PDLIM5: variants seen among roughly 807,000 people sequenced by gnomAD.
PDLIM5 encodes PDZ and LIM domain 5.
A neutral mutation model predicts 64.2 loss-of-function variants in PDLIM5; 34 were observed. The observed-to-expected ratio is 0.53, with a 90% confidence interval of 0.40 to 0.71. The LOEUF (loss-of-function observed/expected upper bound fraction) is 0.71, where lower values mean the gene tolerates loss of function less well. PDLIM5 is among the 30% of genes least tolerant of loss of function. The pLI, the probability that PDLIM5 is intolerant of heterozygous loss-of-function variation, is 0.00. For missense variants in PDLIM5, 683 were observed against 733.6 expected (o/e 0.93, Z 0.80); for synonymous variants, 253 against 269.1 (o/e 0.94, Z 0.59).
intron 9 of PDLIM5, among the ~76,000 whole-genome samples, chr4:94,644,911 T>C (rs76213923): frequency 3.4e-5 from 2 of 59,002 alleles, no homozygotes; most frequent in South Asian, 1.6e-3. Flanking sequence ...GATATTATTC[T>C]TTTTTTTTTA....
chr4:94,467,691 T>G (rs1724497940), intron 2 of PDLIM5, among the ~76,000 whole-genome samples: 1 of 152,206 alleles, frequency 6.6e-6, no homozygotes, highest in African/African-American at 2.4e-5. Context: ...GGAAGTATCC[T>G]AGAGGTTACA....
chr4:94,455,660 C>T, intron 2 of PDLIM5: 2 of 819,246 alleles, frequency 2.4e-6, no homozygotes, highest in South Asian at 1.7e-5. Context: ...TTTGAACTGT[C>T]CCTAATTTGG....
chr4:94,659,216 A>G (rs1401760353), intron 11 of PDLIM5, among the ~76,000 whole-genome samples: 2 of 152,092 alleles, frequency 1.3e-5, no homozygotes, highest in African/African-American at 2.4e-5. Flanking sequence ...ATCGTCCACT[A>G]TCCAAAAACC....
At chr4:94,564,949 C>A (rs532107044) in intron 3 of PDLIM5, among the ~76,000 whole-genome samples, 2 of 152,156 alleles carry the variant, frequency 1.3e-5, no homozygotes, top group African/African-American at 2.4e-5. Context: ...AGCCGCCACG[C>A]CCAGCCCGTC....
rs1206331143 is a variant in PDLIM5 at position 94,664,890 on chromosome 4, A to G, written c.*823A>G. ...GTCTCCAAAAAAAAACTTTGCTTGT[A>G]TATTATTTTTGCCTTACAGTGGATC... On this transcript the variant is annotated 3_prime_UTR_variant, in exon 13 of 13. Transcript: ENST00000317968. 6 of 968,766 alleles carry G rather than the reference A, an allele frequency of 6.2e-6. No homozygotes were observed. The highest frequency in any genetic ancestry group is 1.1e-4 in the East Asian group (1 of 8,724). 60.0% of individuals were successfully genotyped at this position (968,766 alleles called of 1,614,324 possible).
At chr4:94,544,252 T>A (rs1302231348) in intron 3 of PDLIM5, among the ~76,000 whole-genome samples, 2 of 152,164 alleles carry the variant, frequency 1.3e-5, no homozygotes, top group Non-Finnish European at 2.9e-5. Context: ...GATGATCCCA[T>A]CTCAAGATTT....
At chr4:94,610,857 A>G (rs1738305417) in intron 7 of PDLIM5, among the ~76,000 whole-genome samples, 1 of 152,192 alleles carries the variant, frequency 6.6e-6, no homozygotes, top group African/African-American at 2.4e-5. Flanking sequence ...AATCAATGTT[A>G]TATTAATGAG....
At chr4:94,647,883 A>G (rs1054586307) in intron 9 of PDLIM5, among the ~76,000 whole-genome samples, 25 of 152,342 alleles carry the variant, frequency 1.6e-4, no homozygotes, top group African/African-American at 5.8e-4. Context: ...ACAAATATGT[A>G]GAAATTAAAA....
intron 5 of PDLIM5, chr4:94,577,456 C>T (rs1296588992): frequency 2.5e-6 from 1 of 405,772 alleles, no homozygotes; most frequent in African/African-American, 3.2e-5. Flanking sequence ...GGGTGGCTTT[C>T]TAAAGTTCTG....
chr4:94,577,683 C>A (rs929871111), intron 5 of PDLIM5, among the ~76,000 whole-genome samples: 4 of 148,662 alleles, frequency 2.7e-5, no homozygotes, highest in Admixed American at 6.8e-5. Context: ...CTGTCAAATG[C>A]AAGCCACACA....
At chr4:94,476,976 CTG>C (rs1195173851) in intron 2 of PDLIM5, among the ~76,000 whole-genome samples, 1 of 152,144 alleles carries the variant, frequency 6.6e-6, no homozygotes, top group Non-Finnish European at 1.5e-5. Flanking sequence ...TAAATATAAA[CTG>C]TTTTTAATGT....
chr4:94,623,944 A>C (rs1460107171), intron 8 of PDLIM5, among the ~76,000 whole-genome samples: 9 of 152,304 alleles, frequency 5.9e-5, no homozygotes, highest in African/African-American at 2.2e-4. Flanking sequence ...CATAACTAGT[A>C]ATACATTATT....
At position 94,656,408 on chromosome 4, in the gene PDLIM5, A is replaced by C. The variant is rs17021948; in HGVS notation, c.1465-1019A>C. ...CTGGCCCAAATCTTTATAACTTGGT[A>C]TGTTTAACCATTGGGCCATTGCTGA... On this transcript the variant is annotated intron_variant, in intron 10 of 12. Coordinates refer to ENST00000317968, the MANE Select transcript of PDLIM5 (RefSeq NM_006457.5). Among the ~76,000 whole-genome samples the C allele has an allele frequency of 5.5e-3, 834 of 152,186 alleles. 7 individuals are homozygous for C. The highest frequency in any genetic ancestry group is 0.018 in the African/African-American group (747 of 41,564).
chr4:94,547,631 G>A (rs1732439300), intron 3 of PDLIM5, among the ~76,000 whole-genome samples: 1 of 152,080 alleles, frequency 6.6e-6, no homozygotes. Context: ...GACATCTTTG[G>A]GAAGCCATTA....
At chr4:94,638,395 T>G (rs1014255957) in intron 8 of PDLIM5, among the ~76,000 whole-genome samples, 2 of 152,244 alleles carry the variant, frequency 1.3e-5, no homozygotes, top group African/African-American at 4.8e-5. Flanking sequence ...TAGAGCTCCC[T>G]GGCCTGAAAG....
rs78757332 is a variant in PDLIM5, at chr4:94,601,916, C to T, written c.920+15472C>T. On this transcript the variant is annotated intron_variant, in intron 7 of 12. Coordinates refer to ENST00000317968, the MANE Select transcript of PDLIM5 (RefSeq NM_006457.5). ...TGAGCAAACTCAACATATTTATTGT[C>T]AGGAAGCCAGCAGAAAATACTTATT... 5.3e-4 allele frequency among the ~76,000 whole-genome samples: 80 copies of T among 152,288 alleles called. 2 individuals carry two copies. In the East Asian group the frequency reaches 0.015, roughly 28 times the overall value.
At chr4:94,520,141 A>G (rs969304501) in intron 2 of PDLIM5, among the ~76,000 whole-genome samples, 2 of 152,176 alleles carry the variant, frequency 1.3e-5, no homozygotes, top group African/African-American at 4.8e-5. Flanking sequence ...ATGTACAGCC[A>G]TGTGTGCTTG....
Position 94,498,311 on chromosome 4 carries a change from G to A in PDLIM5, c.97-25413G>A, listed in dbSNP as rs1578256400. Among the ~76,000 whole-genome samples the A allele has an allele frequency of 2.6e-5, 4 of 152,252 alleles. No homozygotes were observed. In the South Asian group the frequency reaches 8.3e-4, roughly 32 times the overall value. On this transcript the variant is annotated intron_variant, in intron 2 of 12. Transcript: ENST00000317968. The stretch of plus-strand genomic sequence containing the variant: ...ATTTATTTAATAGAGATGCTTTTGT[G>A]TTTTCATATTTCATTTAAAAAACTT...
At chr4:94,465,240 G>T (rs913971762) in intron 2 of PDLIM5, among the ~76,000 whole-genome samples, 2 of 151,782 alleles carry the variant, frequency 1.3e-5, no homozygotes, top group African/African-American at 2.4e-5. Flanking sequence ...AGTTCAATTC[G>T]GTCTCCTTTC....
Sources: allele counts gnomAD v4.1 joint callset (sites outside exome capture counted in the v4.1 genomes callset), GRCh38; gene constraint gnomAD v4.1.1; transcripts MANE v1.5; gene names NCBI Gene and HGNC (gene_info 2026-07-23, HGNC 2026-07-21).